The following TMEM74 variants were observed in gnomAD, a reference collection of about 807,000 sequenced individuals.
The protein encoded by TMEM74 is transmembrane protein 74.
A neutral mutation model predicts 18.1 loss-of-function variants in TMEM74; 13 were observed. That is an observed-to-expected ratio of 0.72 (90% CI 0.47 to 1.14). The LOEUF is 1.14. Among genes scored for constraint, TMEM74 ranks in the 50% most tolerant of loss-of-function variants. The pLI, the probability that TMEM74 is intolerant of heterozygous loss-of-function variation, is 0.00. For missense variants in TMEM74, 372 were observed against 375.9 expected (o/e 0.99, Z 0.09); for synonymous variants, 159 against 146.6 (o/e 1.08, Z -0.61).
intron 2 of TMEM74, among the ~76,000 whole-genome samples, chr8:108,653,553 CA>C (rs1812794259): frequency 6.6e-6 from 1 of 152,080 alleles, no homozygotes; most frequent in South Asian, 2.1e-4. Context: ...GGAATTAGCC[CA>C]AAACCACATG....
chr8:108,761,228 C>A (rs1048363403), intron 1 of TMEM74, among the ~76,000 whole-genome samples: 1 of 151,994 alleles, frequency 6.6e-6, no homozygotes, highest in Non-Finnish European at 1.5e-5. Context: ...GGAACGTGGG[C>A]TCTATCCAGG....
Position 108,634,923 on chromosome 8 carries a change from C to T in TMEM74, n.264+20370G>A, listed in dbSNP as rs138805100. On this transcript the variant is annotated intron_variant and non_coding_transcript_variant, in intron 2 of 3. Transcript: ENST00000518838. ...GTTTTCTGTCCTTCCCAAAGTGAGT[C>T]TTACACGCTGGCATGGAGGGCTATC... is the stretch of plus-strand genomic sequence containing the variant. 9.9e-5 allele frequency among the ~76,000 whole-genome samples: 15 copies of T among 152,092 alleles called. No homozygotes were observed. The East Asian group carries it at 2.9e-3, about 30-fold the overall frequency.
At chr8:108,671,468 A>G (rs947307887) in intron 1 of TMEM74, among the ~76,000 whole-genome samples, 1 of 152,200 alleles carries the variant, frequency 6.6e-6, no homozygotes, top group Non-Finnish European at 1.5e-5. Flanking sequence ...TGTGCCCAAA[A>G]GAAAAGCAGG....
chr8:108,673,519 G>T (rs769434476), intron 1 of TMEM74, among the ~76,000 whole-genome samples: 1 of 152,182 alleles, frequency 6.6e-6, no homozygotes, highest in African/African-American at 2.4e-5. Flanking sequence ...CATCTCTCAC[G>T]ATGGCAGGGA....
intron 1 of TMEM74, among the ~76,000 whole-genome samples, chr8:108,709,591 C>G (rs999437893): frequency 6.6e-6 from 1 of 152,070 alleles, no homozygotes; most frequent in African/African-American, 2.4e-5. Flanking sequence ...TGAATAAGCT[C>G]TAGGCGTCTG....
intron 2 of TMEM74, among the ~76,000 whole-genome samples, chr8:108,642,562 C>T (rs1218838193): frequency 6.6e-6 from 1 of 152,058 alleles, no homozygotes; most frequent in African/African-American, 2.4e-5. Flanking sequence ...GTTCATTCTC[C>T]AATAATGCAT....
At chr8:108,650,019 G>A (rs953995833) in intron 2 of TMEM74, among the ~76,000 whole-genome samples, 2 of 152,114 alleles carry the variant, frequency 1.3e-5, no homozygotes. Flanking sequence ...AAGGGAAAAT[G>A]AGTCAATATT....
chr8:108,657,857 AAAATATATATATATATATATATATAT>A (rs1812854228), intron 1 of TMEM74, among the ~76,000 whole-genome samples: 1 of 62,284 alleles, frequency 1.6e-5, no homozygotes, highest in African/African-American at 7.3e-5. Flanking sequence ...AAAAAAAAAA[AAAATATATATATATATATATATATAT>A]ATATATATAT....
chr8:108,757,256 T>A (rs972229513), intron 1 of TMEM74, among the ~76,000 whole-genome samples: 2 of 152,020 alleles, frequency 1.3e-5, no homozygotes, highest in African/African-American at 4.8e-5. Flanking sequence ...AGGACCATCT[T>A]ATCTAGTAGG....
intron 3 of TMEM74, chr8:108,607,818 A>G (rs540030582): frequency 6.6e-6 from 1 of 152,196 alleles, no homozygotes; most frequent in South Asian, 2.1e-4. Context: ...TTCACTTAAC[A>G]TGTATCATGT....
chr8:108,775,803 G>A (rs1474835287), downstream of TMEM74, among the ~76,000 whole-genome samples: 2 of 152,184 alleles, frequency 1.3e-5, no homozygotes, highest in Non-Finnish European at 2.9e-5. Context: ...ATTTGTATAA[G>A]GTGTGGCCGA....
At chr8:108,671,438 T>A (rs1341072644) in intron 1 of TMEM74, among the ~76,000 whole-genome samples, 2 of 152,218 alleles carry the variant, frequency 1.3e-5, no homozygotes, top group Non-Finnish European at 2.9e-5. Context: ...ACTGAAGATG[T>A]TCACATGGCT....
At chr8:108,734,689 T>A (rs577586010) in intron 1 of TMEM74, among the ~76,000 whole-genome samples, 1 of 151,972 alleles carries the variant, frequency 6.6e-6, no homozygotes, top group Non-Finnish European at 1.5e-5. Flanking sequence ...AAAAGAAAAA[T>A]TTAAAGAAAG....
intron 1 of TMEM74, among the ~76,000 whole-genome samples, chr8:108,736,160 C>A (rs924010748): frequency 6.6e-6 from 1 of 152,228 alleles, no homozygotes; most frequent in South Asian, 2.1e-4. Flanking sequence ...AGACCCCTAG[C>A]TCACCATTAT....
At chr8:108,678,535 T>A (rs2130596370) in intron 1 of TMEM74, among the ~76,000 whole-genome samples, 1 of 150,932 alleles carries the variant, frequency 6.6e-6, no homozygotes, top group East Asian at 2.0e-4. Flanking sequence ...CAGCTATTTT[T>A]TTTTTTTTTG....
At chr8:108,759,592 T>C (rs1814017308) in intron 1 of TMEM74, among the ~76,000 whole-genome samples, 1 of 152,018 alleles carries the variant, frequency 6.6e-6, no homozygotes. Flanking sequence ...TGATATAAAC[T>C]GAGTAAAAAC....
intron 1 of TMEM74, among the ~76,000 whole-genome samples, chr8:108,764,507 A>T (rs1023970196): frequency 8.5e-5 from 13 of 152,158 alleles, no homozygotes; most frequent in African/African-American, 3.1e-4. Flanking sequence ...TGCCATGTAC[A>T]TTTTTTTCCT....
At chr8:108,679,921 T>C (rs1813094993) in intron 1 of TMEM74, among the ~76,000 whole-genome samples, 1 of 152,140 alleles carries the variant, frequency 6.6e-6, no homozygotes, top group African/African-American at 2.4e-5. Flanking sequence ...TCTGCACAAA[T>C]AAACTAGAAA....
intron 1 of TMEM74, among the ~76,000 whole-genome samples, chr8:108,680,569 G>A (rs906746903): frequency 1.3e-5 from 2 of 152,156 alleles, no homozygotes; most frequent in African/African-American, 4.8e-5. Context: ...CATACTGAAT[G>A]GGCAAAACCT....
Sources: allele counts gnomAD v4.1 joint callset (sites outside exome capture counted in the v4.1 genomes callset), GRCh38; gene constraint gnomAD v4.1.1; transcripts MANE v1.5; gene names NCBI Gene and HGNC (gene_info 2026-07-23, HGNC 2026-07-21).